DYNC2H1: variants seen among roughly 807,000 people sequenced by gnomAD.
The protein encoded by DYNC2H1 is cytoplasmic dynein 2 heavy chain 1.
In DYNC2H1, 410 loss-of-function variants were observed where a neutral mutation model predicts 570.0. The ratio of observed to expected loss-of-function variants is 0.72; its 90% CI spans 0.66 to 0.78. The LOEUF (loss-of-function observed/expected upper bound fraction) is 0.78. Among genes scored for constraint, DYNC2H1 ranks in the 30% least tolerant of loss-of-function variants. The probability of loss-of-function intolerance (pLI) is 0.00; values close to 1 mark genes in which losing one functional copy is unlikely to be tolerated. For missense variants in DYNC2H1, 4,865 were observed against 5,046.4 expected (o/e 0.96, Z 1.09); for synonymous variants, 1,688 against 1,677.6 (o/e 1.01, Z -0.15).
chr11:103,191,378 T>G (rs1862305571), intron 45 of DYNC2H1, 139 bp from the exon 46 acceptor site: 6 of 618,852 alleles, frequency 9.7e-6, no homozygotes, highest in Non-Finnish European at 1.7e-5. Flanking sequence ...ATAAAGATAA[T>G]GAAGTCATTT....
chr11:103,178,910 C>T, intron 38 of DYNC2H1, 116 bp from the exon 39 acceptor site: 4 of 1,045,386 alleles, frequency 3.8e-6, no homozygotes, highest in Non-Finnish European at 2.7e-6. Context: ...ATGGGTTCTT[C>T]AGCATATTTG....
chr11:103,161,815 A>T (rs1397219885), intron 29 of DYNC2H1, among the ~76,000 whole-genome samples: 2 of 152,176 alleles, frequency 1.3e-5, no homozygotes, highest in Non-Finnish European at 2.9e-5. Context: ...TCAAAGGCCT[A>T]TTATAGGCAT....
chr11:103,465,199 A>G lies in DYNC2H1; in HGVS notation c.12649-3390A>G, dbSNP rs1945156764. On this transcript the variant is annotated intron_variant, in intron 87 of 88. Coordinates refer to ENST00000375735, the MANE Select transcript of DYNC2H1 (RefSeq NM_001377.3). This position sits in a 1 kb window ranked among gnomAD's most constrained non-coding sequence, Gnocchi z 4.9. ...TACCAAATATATGACTATTGTAAAC[A>G]TATTAATCCTACCAATTAAGAGAGA... Among the ~76,000 whole-genome samples the G allele has an allele frequency of 6.6e-6, 1 of 152,218 alleles. No individual in the cohort carries two copies. Among genetic ancestry groups the G allele is most frequent in the Non-Finnish European group, 1.5e-5 (1 of 68,016 alleles).
intron 83 of DYNC2H1, among the ~76,000 whole-genome samples, chr11:103,362,783 A>G (rs1646355945): frequency 6.6e-6 from 1 of 152,154 alleles, no homozygotes; most frequent in African/African-American, 2.4e-5. Flanking sequence ...TAATCCCAGC[A>G]CTTTGGGAGG....
chr11:103,146,001 A>G (rs1235795560), intron 18 of DYNC2H1, among the ~76,000 whole-genome samples: 1 of 152,184 alleles, frequency 6.6e-6, no homozygotes, highest in African/African-American at 2.4e-5. Context: ...CCAAAATCAC[A>G]TATCTTCATG....
Position 103,199,282 on chromosome 11 carries a change from G to A in DYNC2H1, c.7894G>A (p.Glu2632Lys). ...NQNLDILLFH[E>K]VLEYMSRIDR... is the part of the protein sequence containing the mutation. ...GAATTTAGACATTTTACTTTTCCAC[G>A]AAGTCTTGGAGTATATGTCTAGGAT... is the stretch of plus-strand genomic sequence containing the variant. The change falls in exon 49 of 89, where the codon GAA (glutamate) becomes AAA (lysine). Residue 2632 changes from glutamate (E) to lysine (K), a missense_variant. Coordinates refer to ENST00000375735, the MANE Select transcript of DYNC2H1 (RefSeq NM_001377.3). The surrounding 1 kb of genome is among the most constrained non-coding windows in gnomAD (Gnocchi z 4.6). The A allele has an allele frequency of 3.1e-6, 5 of 1,608,732 alleles. No homozygotes were observed. The highest frequency in any genetic ancestry group is 2.2e-5 in the South Asian group (2 of 90,344).
At chr11:103,455,371 G>A (rs955143793) in intron 86 of DYNC2H1, 76 bp downstream of exon 86, 4 of 1,064,888 alleles carry the variant, frequency 3.8e-6, no homozygotes, top group African/African-American at 3.1e-5. Context: ...CTATTACACT[G>A]CCCTTGATTG....
At chr11:103,161,379 T>C (rs552858981) in intron 29 of DYNC2H1, among the ~76,000 whole-genome samples, 1 of 152,238 alleles carries the variant, frequency 6.6e-6, no homozygotes, top group East Asian at 1.9e-4. Flanking sequence ...GTAATCTCAG[T>C]ACAGGTGGAG....
chr11:103,166,102 C>G (rs2134945392), intron 31 of DYNC2H1, 54 bp downstream of exon 31: 2 of 1,420,078 alleles, frequency 1.4e-6, no homozygotes, highest in Non-Finnish European at 1.9e-6. Flanking sequence ...TTTTGGTATT[C>G]TATCCTAATT....
rs1216178946 is a variant in DYNC2H1, at chr11:103,286,487, C to T, written c.11022+101C>T. Reference sequence around the variant, plus strand: ...GCTTTGCTTTTAGAGTGTTACTTTACCTTTAATGGCGTATTTGGGGAAGGG... The same window carrying T: ...GCTTTGCTTTTAGAGTGTTACTTTATCTTTAATGGCGTATTTGGGGAAGGG... On this transcript the variant is annotated intron_variant, in intron 74 of 88. Coordinates refer to ENST00000375735, the MANE Select transcript of DYNC2H1 (RefSeq NM_001377.3). 343 of 1,346,074 alleles carry T rather than the reference C, an allele frequency of 2.5e-4. 1 individual carries two copies. The highest frequency in any genetic ancestry group is 1.9e-5 in the Non-Finnish European group (19 of 986,952). The allele number at this position is 1,346,074 out of a possible 1,614,324, so 83.4% of individuals were successfully genotyped here.
At chr11:103,279,482 CTTTT>C (rs1866047327) in intron 70 of DYNC2H1, among the ~76,000 whole-genome samples, 1 of 152,050 alleles carries the variant, frequency 6.6e-6, no homozygotes, top group Non-Finnish European at 1.5e-5. Context: ...TTCCTTCTTT[CTTTT>C]TATTTTGTCT....
At chr11:103,193,754 G>C (rs764076474) in intron 47 of DYNC2H1, among the ~76,000 whole-genome samples, 4 of 151,724 alleles carry the variant, frequency 2.6e-5, no homozygotes, top group African/African-American at 4.8e-5. Flanking sequence ...CTCCATGTTG[G>C]TCAGGCTGGT....
chr11:103,473,021 G>A (rs991854540), intron 88 of DYNC2H1, among the ~76,000 whole-genome samples: 5 of 152,190 alleles, frequency 3.3e-5, no homozygotes, highest in African/African-American at 1.2e-4. Context: ...CTTCAACATT[G>A]TTTCAGTATG....
chr11:103,427,855 A>G (rs1223151943), intron 84 of DYNC2H1, among the ~76,000 whole-genome samples: 3 of 152,088 alleles, frequency 2.0e-5, no homozygotes, highest in African/African-American at 7.2e-5. Context: ...AGTCCACAGC[A>G]AATATTAACT....
chr11:103,164,705 A>G (rs534196995), intron 30 of DYNC2H1, among the ~76,000 whole-genome samples: 1 of 152,332 alleles, frequency 6.6e-6, no homozygotes, highest in African/African-American at 2.4e-5. Flanking sequence ...TGCAGAGCAC[A>G]CTTAATTGTC....
chr11:103,196,486 G>A (rs1862510412), intron 47 of DYNC2H1, among the ~76,000 whole-genome samples: 1 of 152,124 alleles, frequency 6.6e-6, no homozygotes, highest in Non-Finnish European at 1.5e-5. Context: ...TTATATGTCT[G>A]TTAAGCAATT....
At chr11:103,332,693 C>T (rs906277845) in intron 82 of DYNC2H1, among the ~76,000 whole-genome samples, 1 of 152,110 alleles carries the variant, frequency 6.6e-6, no homozygotes, top group African/African-American at 2.4e-5. Context: ...AGCAAAATAT[C>T]TTTCAAAATG....
In DYNC2H1 at chr11:103,153,442, G is replaced by A. The variant is rs558439797; in HGVS notation, c.3236G>A (p.Ser1079Asn). 16 of 1,569,244 alleles carry A rather than the reference G, an allele frequency of 1.0e-5. No homozygotes were observed. In the East Asian group the frequency reaches 3.0e-4, roughly 29 times the overall value. ...ETGQHNTLDK[S>N]AKLIKEKKIE... The stretch of plus-strand genomic sequence containing the variant: ...GGCCAACATAATACTCTTGATAAAA[G>A]TGCAAAGTTAATAAAAGAGAAAAAA... The change falls in exon 22 of 89, where the codon AGT becomes AAT. Residue 1079 changes from serine (S) to asparagine (N), a missense_variant. Around this residue, in one of 5 missense-constraint regions of DYNC2H1, gnomAD observed 1,936 missense variants for 1,962.1 expected, o/e 0.99. Transcript: ENST00000375735.
chr11:103,126,895 C>T (rs1859031081), intron 12 of DYNC2H1, among the ~76,000 whole-genome samples: 1 of 152,168 alleles, frequency 6.6e-6, no homozygotes, highest in Non-Finnish European at 1.5e-5. Context: ...ACCTTGGCCT[C>T]CCAAAGTGCT....
Sources: gnomAD v4.1 joint callset for allele counts (sites outside exome capture counted in the v4.1 genomes callset) on GRCh38, gnomAD v4.1.1 for gene constraint, gnomAD v4.1.1 regional missense constraint, Gnocchi (gnomAD v3.1) non-coding constraint, MANE v1.5 for transcripts, NCBI Gene and HGNC (gene_info 2026-07-23, HGNC 2026-07-21) for gene names.